SLC8A1: variants seen among roughly 807,000 people sequenced by gnomAD.
The protein encoded by SLC8A1 is solute carrier family 8 member A1.
Under a neutral mutation model 68.3 loss-of-function variants are expected in SLC8A1, and 18 were observed. That is an observed-to-expected ratio of 0.26 (90% CI 0.18 to 0.39). The LOEUF (loss-of-function observed/expected upper bound fraction) is 0.39, where lower values mean the gene tolerates loss of function less well. Among genes scored for constraint, SLC8A1 ranks in the 10% least tolerant of loss-of-function variants. The pLI, the probability that SLC8A1 is intolerant of heterozygous loss-of-function variation, is 1.00. For missense variants in SLC8A1, 985 were observed against 1,156.7 expected (o/e 0.85, Z 2.15); for synonymous variants, 475 against 415.5 (o/e 1.14, Z -1.74).
At chr2:40,245,197 G>C (rs1222137993) in intron 2 of SLC8A1, among the ~76,000 whole-genome samples, 1 of 115,750 alleles carries the variant, frequency 8.6e-6, no homozygotes, top group Non-Finnish European at 1.7e-5. Flanking sequence ...TGGCACATAG[G>C]AGAAACTTGG....
At chr2:40,443,368 G>T (rs972440320) in intron 1 of SLC8A1, among the ~76,000 whole-genome samples, 8 of 152,120 alleles carry the variant, frequency 5.3e-5, no homozygotes, top group Admixed American at 4.6e-4. Context: ...CAGAGTATTA[G>T]AAAAAGTTCA....
At chr2:40,206,252 G>A (rs1016834150) in intron 2 of SLC8A1, among the ~76,000 whole-genome samples, 1 of 151,982 alleles carries the variant, frequency 6.6e-6, no homozygotes, top group African/African-American at 2.4e-5. Context: ...GACAATTATT[G>A]AATTTTAGTC....
chr2:40,202,205 T>C (rs11691096), intron 2 of SLC8A1, among the ~76,000 whole-genome samples: 67,048 of 151,778 alleles, frequency 0.44, 17,378 homozygotes, highest in Non-Finnish European at 0.59. Context: ...AAAATTCTCA[T>C]TGGGATCTAT....
At chr2:40,256,345 C>A (rs1425731345) in intron 2 of SLC8A1, among the ~76,000 whole-genome samples, 2 of 152,030 alleles carry the variant, frequency 1.3e-5, no homozygotes, top group Non-Finnish European at 2.9e-5. Context: ...GTTTTAAGAC[C>A]AAGGCTCACT....
At chr2:40,298,792 C>T (rs2192768) in intron 2 of SLC8A1, among the ~76,000 whole-genome samples, 79,403 of 151,042 alleles carry the variant, frequency 0.53, 22,740 homozygotes, top group African/African-American at 0.77. Context: ...TGTACAGTAA[C>T]TAATGATGGT....
chr2:40,176,049 A>C, intron 3 of SLC8A1: 1 of 427,736 alleles, frequency 2.3e-6, no homozygotes, highest in Non-Finnish European at 4.7e-6. Context: ...GGGACGTATA[A>C]TTTGTCTTTC....
At chr2:40,296,759 G>A (rs778751371) in intron 2 of SLC8A1, among the ~76,000 whole-genome samples, 5 of 152,058 alleles carry the variant, frequency 3.3e-5, no homozygotes, top group East Asian at 1.9e-4. Context: ...TGTGGGAAAC[G>A]TTTGTTGATG....
intron 2 of SLC8A1, among the ~76,000 whole-genome samples, chr2:40,378,309 A>T (rs185825789): frequency 6.6e-6 from 1 of 152,256 alleles, no homozygotes; most frequent in Admixed American, 6.5e-5. Context: ...TGAAGACAAG[A>T]AGGGAGTGAG....
intron 7 of SLC8A1, among the ~76,000 whole-genome samples, chr2:40,117,392 C>CAAAAAAAAAA (rs70957144): frequency 3.4e-5 from 2 of 58,744 alleles, no homozygotes; most frequent in African/African-American, 1.5e-4. Context: ...ACTAAAAATA[C>CAAAAAAAAAA]AAAAAAAAAA....
exon 8 of SLC8A1, chr2:40,101,023 C>T (rs2125024326): frequency 6.6e-6 from 1 of 152,266 alleles, no homozygotes; most frequent in East Asian, 1.9e-4. Context: ...TAAGTATCCA[C>T]AAATGTGATA....
At chr2:40,145,954 CA>C (rs2042384646) in intron 6 of SLC8A1, among the ~76,000 whole-genome samples, 1 of 126,112 alleles carries the variant, frequency 7.9e-6, no homozygotes, top group Admixed American at 8.7e-5. Context: ...TATTCCCAAA[CA>C]AGAGTTGATC....
intron 2 of SLC8A1, among the ~76,000 whole-genome samples, chr2:40,309,725 C>T (rs918598600): frequency 1.7e-4 from 26 of 152,144 alleles, no homozygotes; most frequent in Non-Finnish European, 3.7e-4. Flanking sequence ...AGGCTGGTCT[C>T]AAACTCCTGA....
At chr2:40,403,835 C>T (rs776543896) in intron 2 of SLC8A1, among the ~76,000 whole-genome samples, 1 of 152,126 alleles carries the variant, frequency 6.6e-6, no homozygotes, top group Non-Finnish European at 1.5e-5. Flanking sequence ...AAGGCAAGAG[C>T]ACAAAAATAC....
exon 8 of SLC8A1, chr2:40,099,802 C>T (rs1291159405): frequency 6.6e-6 from 1 of 152,038 alleles, no homozygotes; most frequent in Non-Finnish European, 1.5e-5. Context: ...CAATTGCCAT[C>T]AGTAACCATC....
At chr2:40,409,987 G>A (rs146783500) in intron 2 of SLC8A1, among the ~76,000 whole-genome samples, 7 of 151,910 alleles carry the variant, frequency 4.6e-5, no homozygotes, top group African/African-American at 9.7e-5. Context: ...GAGCAACCAC[G>A]GACTAAGAGT....
At chr2:40,193,014 G>A (rs761357980) in intron 2 of SLC8A1, among the ~76,000 whole-genome samples, 7 of 152,148 alleles carry the variant, frequency 4.6e-5, no homozygotes, top group Non-Finnish European at 8.8e-5. Context: ...CCGTGACAGT[G>A]AGCACAGTGC....
chr2:40,273,573 G>T (rs558917085), intron 2 of SLC8A1, among the ~76,000 whole-genome samples: 1 of 152,278 alleles, frequency 6.6e-6, no homozygotes, highest in South Asian at 2.1e-4. Flanking sequence ...AAAGCCCCAA[G>T]GTACTTTATA....
At chr2:40,190,161 C>T (rs1022323088) in intron 2 of SLC8A1, among the ~76,000 whole-genome samples, 6 of 152,152 alleles carry the variant, frequency 3.9e-5, no homozygotes, top group Admixed American at 2.0e-4. Flanking sequence ...TGCTGCTTAG[C>T]GCCCTTCTGC....
intron 2 of SLC8A1, among the ~76,000 whole-genome samples, chr2:40,200,850 A>G (rs1173997372): frequency 1.3e-5 from 2 of 151,898 alleles, no homozygotes; most frequent in Non-Finnish European, 2.9e-5. Context: ...GTCGGTTTAT[A>G]TTGTAGAAAA....
Sources: gnomAD v4.1 joint callset for allele counts (sites outside exome capture counted in the v4.1 genomes callset) on GRCh38, gnomAD v4.1.1 for gene constraint, MANE v1.5 for transcripts, NCBI Gene and HGNC (gene_info 2026-07-23, HGNC 2026-07-21) for gene names.